Variants in EPHA5 observed in about 807,000 individuals in gnomAD.
EPHA5 encodes EPH receptor A5.
Under a neutral mutation model 105.0 loss-of-function variants are expected in EPHA5, and 60 were observed. That is an observed-to-expected ratio of 0.57 (90% CI 0.46 to 0.71). EPHA5 has a LOEUF of 0.71. Ranked by LOEUF, EPHA5 falls within the 30% of genes least tolerant of loss-of-function variation. EPHA5 has a pLI of 0.00. For synonymous variants in EPHA5, 513 were observed against 449.1 expected (o/e 1.14, Z -1.80); for missense variants, 1,218 against 1,274.7 (o/e 0.96, Z 0.68).
chr4:65,434,343 C>T (rs929812825), intron 5 of EPHA5, among the ~76,000 whole-genome samples: 1 of 152,124 alleles, frequency 6.6e-6, no homozygotes, highest in Non-Finnish European at 1.5e-5. Context: ...CAGCCTACCA[C>T]ATCTACATAT....
chr4:65,528,832 A>C (rs549131008), intron 3 of EPHA5, among the ~76,000 whole-genome samples: 4 of 152,130 alleles, frequency 2.6e-5, no homozygotes, highest in Non-Finnish European at 5.9e-5. Context: ...TTTAAAGACC[A>C]TTCTGGCATT....
intron 1 of EPHA5, among the ~76,000 whole-genome samples, chr4:65,644,139 T>C (rs1196102832): frequency 6.6e-6 from 1 of 151,948 alleles, no homozygotes; most frequent in African/African-American, 2.4e-5. Context: ...AATCCCAAGA[T>C]ATTTAGAAAC....
chr4:65,537,687 AT>A (rs1298483157), intron 3 of EPHA5, among the ~76,000 whole-genome samples: 1 of 151,756 alleles, frequency 6.6e-6, no homozygotes, highest in Non-Finnish European at 1.5e-5. Context: ...ATATAGAAGG[AT>A]TGAGAAATTA....
intron 8 of EPHA5, among the ~76,000 whole-genome samples, chr4:65,380,108 TAGCA>T (rs1351658996): frequency 6.6e-6 from 1 of 151,744 alleles, no homozygotes; most frequent in Non-Finnish European, 1.5e-5. Context: ...GTGCTAGAAA[TAGCA>T]AGCAATCTTA....
chr4:65,658,401 G>A (rs892877242), intron 1 of EPHA5, among the ~76,000 whole-genome samples: 1 of 152,012 alleles, frequency 6.6e-6, no homozygotes, highest in African/African-American at 2.4e-5. Context: ...TTTAACCTGG[G>A]AGTAAATAAG....
At chr4:65,511,027 G>C (rs1733572956) in intron 3 of EPHA5, among the ~76,000 whole-genome samples, 1 of 152,074 alleles carries the variant, frequency 6.6e-6, no homozygotes, top group Non-Finnish European at 1.5e-5. Flanking sequence ...CTGAAGAATG[G>C]CCAGGTGAGG....
intron 5 of EPHA5, among the ~76,000 whole-genome samples, chr4:65,466,695 C>G (rs757587222): frequency 6.6e-6 from 1 of 152,140 alleles, no homozygotes; most frequent in South Asian, 2.1e-4. Flanking sequence ...AGTTAGAATT[C>G]ACTGGATGAT....
intron 2 of EPHA5, among the ~76,000 whole-genome samples, chr4:65,625,869 T>G (rs1746098468): frequency 6.6e-6 from 1 of 152,088 alleles, no homozygotes; most frequent in South Asian, 2.1e-4. Flanking sequence ...CCCAGCACTT[T>G]AGGAGGCCGA....
At chr4:65,498,328 A>G (rs184352991) in intron 3 of EPHA5, among the ~76,000 whole-genome samples, 95 of 152,086 alleles carry the variant, frequency 6.2e-4, no homozygotes, top group African/African-American at 2.3e-3. Context: ...GTCATTGGAA[A>G]GTTCCCCTCA....
At chr4:65,326,001 G>GAT (rs1321998403) in intron 16 of EPHA5, among the ~76,000 whole-genome samples, 1 of 146,456 alleles carries the variant, frequency 6.8e-6, no homozygotes, top group African/African-American at 2.5e-5. Context: ...GAATCATTGA[G>GAT]ATATATATAT....
At chr4:65,369,936 C>T (rs1414370655) in intron 8 of EPHA5, among the ~76,000 whole-genome samples, 2 of 152,120 alleles carry the variant, frequency 1.3e-5, no homozygotes, top group African/African-American at 4.8e-5. Context: ...CACTGCACTC[C>T]AGCCTCGGCC....
At chr4:65,456,015 A>G (rs1727548063) in intron 5 of EPHA5, among the ~76,000 whole-genome samples, 1 of 152,214 alleles carries the variant, frequency 6.6e-6, no homozygotes, top group South Asian at 2.1e-4. Flanking sequence ...AGATTTCAGA[A>G]GCCATTCACA....
intron 3 of EPHA5, among the ~76,000 whole-genome samples, chr4:65,542,503 C>T (rs1437811694): frequency 2.0e-5 from 3 of 151,694 alleles, no homozygotes; most frequent in Non-Finnish European, 2.9e-5. Flanking sequence ...ACACATACAC[C>T]CTCCCAAGAC....
At chr4:65,434,300 G>A (rs905835983) in intron 5 of EPHA5, among the ~76,000 whole-genome samples, 3 of 149,550 alleles carry the variant, frequency 2.0e-5, no homozygotes, top group African/African-American at 7.6e-5. Flanking sequence ...GAAATAGGTT[G>A]TGGACATTTT....
At chr4:65,526,393 G>A (rs574696182) in intron 3 of EPHA5, among the ~76,000 whole-genome samples, 145 of 151,824 alleles carry the variant, frequency 9.6e-4, no homozygotes, top group African/African-American at 2.8e-3. Flanking sequence ...GTGTGAAAAT[G>A]TTCCAGCCTC....
At chr4:65,361,677 T>G (rs1432091753) in intron 11 of EPHA5, among the ~76,000 whole-genome samples, 1 of 151,736 alleles carries the variant, frequency 6.6e-6, no homozygotes, top group East Asian at 1.9e-4. Flanking sequence ...TCTAGCAGTT[T>G]AGGTAATCAA....
At chr4:65,570,037 T>A (rs1739957529) in intron 3 of EPHA5, among the ~76,000 whole-genome samples, 1 of 151,814 alleles carries the variant, frequency 6.6e-6, no homozygotes, top group Admixed American at 6.6e-5. Flanking sequence ...TAATTCAGTA[T>A]GTGAGAAGGC....
At chr4:65,545,815 G>A (rs936942559) in intron 3 of EPHA5, among the ~76,000 whole-genome samples, 10 of 151,882 alleles carry the variant, frequency 6.6e-5, no homozygotes, top group Non-Finnish European at 5.9e-5. Context: ...ATAAGGTCTG[G>A]AAGGAAACCC....
chr4:65,560,845 C>A (rs1738934471), intron 3 of EPHA5, among the ~76,000 whole-genome samples: 2 of 151,894 alleles, frequency 1.3e-5, no homozygotes. Flanking sequence ...GCTTTCAGTC[C>A]TTTGAAAAAT....
Sources: gnomAD v4.1 joint callset for allele counts (sites outside exome capture counted in the v4.1 genomes callset) on GRCh38, gnomAD v4.1.1 for gene constraint, MANE v1.5 for transcripts, NCBI Gene and HGNC (gene_info 2026-07-23, HGNC 2026-07-21) for gene names.